The following WDPCP variants were observed in gnomAD, a reference collection of about 807,000 sequenced individuals.
The protein encoded by WDPCP is WD repeat-containing and planar cell polarity effector protein fritz homolog.
WDPCP carries 71 observed loss-of-function variants against 93.1 expected under a neutral mutation model. The ratio of observed to expected loss-of-function variants is 0.76; its 90% CI spans 0.63 to 0.93. WDPCP has a LOEUF of 0.93. WDPCP is among the 40% of genes least tolerant of loss of function. The pLI, the probability that WDPCP is intolerant of heterozygous loss-of-function variation, is 0.00. For synonymous variants in WDPCP, 315 were observed against 315.0 expected, an observed-to-expected ratio of 1.00 and a Z score of 0.00; for missense variants, 844 against 887.4, an observed-to-expected ratio of 0.95 and a Z score of 0.62.
chr2:63,539,937 C>T (rs369496587), intron 1 of WDPCP, among the ~76,000 whole-genome samples: 49 of 152,100 alleles, frequency 3.2e-4, no homozygotes, highest in African/African-American at 1.0e-3. Flanking sequence ...AATAATTTCG[C>T]CATTCTCATT....
At chr2:63,631,079 G>A (rs751539176) in intron 3 of WDPCP, among the ~76,000 whole-genome samples, 1 of 152,062 alleles carries the variant, frequency 6.6e-6, no homozygotes, top group African/African-American at 2.4e-5. Context: ...TAAGGAGTTC[G>A]ACACCAGCCT....
At chr2:63,336,057 C>T (rs140244592) in intron 12 of WDPCP, among the ~76,000 whole-genome samples, 1,562 of 152,292 alleles carry the variant, frequency 0.01, 17 homozygotes, top group Middle Eastern at 0.1. Context: ...TTTAGCATTT[C>T]ATCAAGAAAT....
chr2:63,759,129 G>A (rs138022819), intron 2 of WDPCP, among the ~76,000 whole-genome samples: 3 of 152,002 alleles, frequency 2.0e-5, no homozygotes, highest in Non-Finnish European at 4.4e-5. Context: ...GTGAATAGAA[G>A]GCATGCTGGG....
At chr2:63,744,019 C>G (rs1669760686) in intron 2 of WDPCP, among the ~76,000 whole-genome samples, 1 of 152,038 alleles carries the variant, frequency 6.6e-6, no homozygotes, top group East Asian at 1.9e-4. Flanking sequence ...TCTAATCTGT[C>G]ATAACATGTT....
intron 2 of WDPCP, among the ~76,000 whole-genome samples, chr2:63,700,306 A>AAAG (rs766981418): frequency 8.9e-5 from 13 of 146,134 alleles, no homozygotes; most frequent in African/African-American, 1.5e-4. Context: ...AAAAAAAACA[A>AAAG]AAAGAAAAAA....
chr2:63,145,298 T>C (rs6750377), intron 17 of WDPCP, among the ~76,000 whole-genome samples: 2,087 of 149,030 alleles, frequency 0.014, 52 homozygotes, highest in African/African-American at 0.05. Flanking sequence ...GGACCAGTGG[T>C]GGGTGGGGCC....
intron 2 of WDPCP, among the ~76,000 whole-genome samples, chr2:63,654,136 A>G (rs1390859466): frequency 6.6e-6 from 1 of 152,210 alleles, no homozygotes; most frequent in Non-Finnish European, 1.5e-5. Flanking sequence ...CCTTGGGGTA[A>G]AAAACAAAAT....
intron 6 of WDPCP, among the ~76,000 whole-genome samples, chr2:63,483,489 T>G (rs1558694377): frequency 6.6e-6 from 1 of 151,762 alleles, no homozygotes; most frequent in Non-Finnish European, 1.5e-5. Flanking sequence ...AGAAGGTAAC[T>G]AAATAGTTGC....
intron 12 of WDPCP, among the ~76,000 whole-genome samples, chr2:63,317,557 AAC>A (rs1160812710): frequency 6.6e-6 from 1 of 152,186 alleles, no homozygotes; most frequent in East Asian, 1.9e-4. Flanking sequence ...CTGGTACAAA[AAC>A]AGACACATAA....
At chr2:63,159,988 A>C (rs912150967) in intron 15 of WDPCP, among the ~76,000 whole-genome samples, 2 of 152,160 alleles carry the variant, frequency 1.3e-5, no homozygotes, top group African/African-American at 2.4e-5. Flanking sequence ...ATGTACCTCC[A>C]TGGTTGCACT....
At chr2:63,504,966 T>A (rs546466677) in intron 1 of WDPCP, among the ~76,000 whole-genome samples, 138 of 152,170 alleles carry the variant, frequency 9.1e-4, no homozygotes, top group African/African-American at 3.3e-3. Context: ...TATGGCCGAT[T>A]GGTCAATAAA....
rs1671178805 is a variant in WDPCP, at chr2:63,142,820, GTGT to G, written c.2190+10091_2190+10093del. Among the ~76,000 whole-genome samples, 117 of 26,298 alleles carry G rather than the reference GTGT, an allele frequency of 4.4e-3. 1 individual carries two copies. The highest frequency in any genetic ancestry group is 0.013 in the East Asian group (6 of 462). The allele number at this position is 26,298 out of a possible 152,430, so 17.3% of individuals were successfully genotyped here. ...ATTTGGGAGCTGCAGTGTTAGGGGTGTGTGTGTGTGTGTGTGTGTGTGTGTGTG... is the reference window on the plus strand; with the variant it reads ...ATTTGGGAGCTGCAGTGTTAGGGGTGGTGTGTGTGTGTGTGTGTGTGTGTG... On this transcript the variant is annotated intron_variant, in intron 17 of 17. Coordinates refer to ENST00000272321, the MANE Select transcript of WDPCP (RefSeq NM_015910.7).
At chr2:63,280,059 G>T (rs1224021847) in intron 13 of WDPCP, among the ~76,000 whole-genome samples, 1 of 152,104 alleles carries the variant, frequency 6.6e-6, no homozygotes, top group South Asian at 2.1e-4. Flanking sequence ...ACTGTCAAAA[G>T]CAATCAAAAG....
chr2:63,299,657 C>T (rs1313577542), intron 13 of WDPCP, among the ~76,000 whole-genome samples: 2 of 152,150 alleles, frequency 1.3e-5, no homozygotes, highest in Admixed American at 1.3e-4. Context: ...ATACGAGCCT[C>T]GAGACCCTCT....
intron 11 of WDPCP, among the ~76,000 whole-genome samples, chr2:63,380,909 G>A (rs908777927): frequency 3.9e-5 from 6 of 152,014 alleles, no homozygotes; most frequent in African/African-American, 1.4e-4. Context: ...CTAAAATGAA[G>A]GTTACCTACA....
intron 3 of WDPCP, among the ~76,000 whole-genome samples, chr2:63,613,107 C>A (rs1323343620): frequency 6.6e-6 from 1 of 152,146 alleles, no homozygotes; most frequent in East Asian, 1.9e-4. Context: ...CTTTGTTTGG[C>A]TGTTCTCTTT....
chr2:63,555,389 G>A (rs1706023310), intron 1 of WDPCP, among the ~76,000 whole-genome samples: 1 of 105,090 alleles, frequency 9.5e-6, no homozygotes, highest in Non-Finnish European at 1.8e-5. Context: ...GATCTCCGTA[G>A]ATCAGCGGAC....
At position 63,433,832 on chromosome 2, in the gene WDPCP, G is replaced by C; in HGVS notation, c.738C>G (p.Asn246Lys). 3 of 1,613,950 alleles carry C rather than the reference G, an allele frequency of 1.9e-6. No homozygotes were observed. The highest frequency in any genetic ancestry group is 1.7e-6 in the Non-Finnish European group (2 of 1,179,930). ...TGGGGGCCCAAGGCCAAGCATCATC[G>C]TTGACCAGTGGCCACCAGCAAACAA... ...DRVVCWWPLV[N>K]DDAWPWAPIS... The change falls in exon 9 of 18, where the codon AAC becomes AAG. Residue 246 changes from asparagine (N) to lysine (K), a missense_variant. Physicochemically the swap from Asn to Lys is moderately conservative, Grantham distance 94. Coordinates refer to ENST00000272321, the MANE Select transcript of WDPCP (RefSeq NM_015910.7).
intron 2 of WDPCP, among the ~76,000 whole-genome samples, chr2:63,744,718 T>C (rs1316376421): frequency 6.6e-6 from 1 of 152,102 alleles, no homozygotes; most frequent in Non-Finnish European, 1.5e-5. Flanking sequence ...AAGTCTTCTG[T>C]ATGAGTCTGC....
Sources: allele counts gnomAD v4.1 joint callset (sites outside exome capture counted in the v4.1 genomes callset), GRCh38; gene constraint gnomAD v4.1.1; transcripts MANE v1.5; gene names NCBI Gene and HGNC (gene_info 2026-07-23, HGNC 2026-07-21).